The following BZW2 variants were observed in gnomAD, a reference collection of about 807,000 sequenced individuals.
BZW2 encodes the protein eIF5-mimic protein 1.
A neutral mutation model predicts 53.2 loss-of-function variants in BZW2; 23 were observed. The observed-to-expected ratio is 0.43, with a 90% CI of 0.31 to 0.61. The LOEUF is 0.61. Ranked by LOEUF, BZW2 falls within the 20% of genes least tolerant of loss-of-function variation. BZW2 has a pLI of 0.09. For synonymous variants in BZW2, 227 were observed against 186.4 expected (o/e 1.22, Z -1.77); for missense variants, 409 against 503.1 (o/e 0.81, Z 1.79).
At chr7:16,653,375 A>G (rs1454514135) in intron 1 of BZW2, among the ~76,000 whole-genome samples, 1 of 152,118 alleles carries the variant, frequency 6.6e-6, no homozygotes, top group Non-Finnish European at 1.5e-5. Context: ...TTACTTTAAT[A>G]ACTTGTCTTC....
chr7:16,703,568 TTG>T (rs1646932142), intron 10 of BZW2, among the ~76,000 whole-genome samples: 1 of 152,224 alleles, frequency 6.6e-6, no homozygotes, highest in Admixed American at 6.5e-5. Flanking sequence ...TTATCAGTAT[TTG>T]TAATGAATTG....
Position 16,698,100 on chromosome 7 carries a change from T to G in BZW2, c.1022T>G (p.Ile341Ser), listed in dbSNP as rs780551598. ...VFSSQGQSEL[I>S]LLQKVQEYCY... ...AGCTCCCAAGGCCAGTCAGAGCTGA[T>G]CCTCCTCCAGAAGGTTCAGGAATAC... The change falls in exon 10 of 12, where the codon ATC becomes AGC. Residue 341 changes from isoleucine to serine, a missense_variant. Ile to Ser is a moderately radical substitution (Grantham distance 142). This residue lies in a region of BZW2 where 88 missense variants were observed against 114.6 expected (regional missense o/e 0.77). Transcript: ENST00000258761. 1.2e-6 allele frequency: 2 copies of G among 1,614,124 alleles called. No homozygotes were observed. The highest frequency in any genetic ancestry group is 1.7e-6 in the Non-Finnish European group (2 of 1,179,976).
chr7:16,646,335 G>A (rs568586810), intron 1 of BZW2, 47 bp downstream of exon 1: 34 of 162,934 alleles, frequency 2.1e-4, no homozygotes, highest in Admixed American at 6.9e-4. Context: ...AGGGTTGCGA[G>A]AGTAGCGACT....
rs1196249517 is a variant in BZW2, at chr7:16,704,573, C to A, written c.1135C>A (p.Leu379Met). 1 of 1,573,262 alleles carries A rather than the reference C, an allele frequency of 6.4e-7. No homozygotes were observed. The highest frequency in any genetic ancestry group is 8.7e-7 in the Non-Finnish European group (1 of 1,148,840). Residue 379 changes from leucine to methionine, a missense_variant, in exon 11 of 12, where the codon CTG (leucine) becomes ATG (methionine). Leu to Met is a conservative substitution (Grantham distance 15). Transcript: ENST00000258761. ...TGATGTTCTGAGCGAAGAAGCAATACTGAAATGGTATAAGGAAGCACATGT... is the reference window on the plus strand; with the variant it reads ...TGATGTTCTGAGCGAAGAAGCAATAATGAAATGGTATAAGGAAGCACATGT... ...KADVLSEEAILKWYKEAHVAK... is the reference protein window; with the variant it reads ...KADVLSEEAIMKWYKEAHVAK...
chr7:16,659,175 C>T (rs1782191253), intron 1 of BZW2, among the ~76,000 whole-genome samples: 1 of 152,010 alleles, frequency 6.6e-6, no homozygotes, highest in Non-Finnish European at 1.5e-5. Flanking sequence ...ATGGTGGACT[C>T]TTTACTTGTG....
At chr7:16,652,224 C>T (rs1219000529) in intron 1 of BZW2, among the ~76,000 whole-genome samples, 1 of 152,166 alleles carries the variant, frequency 6.6e-6, no homozygotes, top group Non-Finnish European at 1.5e-5. Flanking sequence ...GTATTCCATT[C>T]CGCGTGGATG....
chr7:16,695,850 A>G (rs777167638), intron 8 of BZW2: 1 of 152,190 alleles, frequency 6.6e-6, no homozygotes, highest in African/African-American at 2.4e-5. Flanking sequence ...GGAATGACAA[A>G]TATTCTTAAG....
At position 16,706,378 on chromosome 7, in the gene BZW2, T is replaced by C. The variant is rs964191248; in HGVS notation, c.*290T>C. On this transcript the variant is annotated 3_prime_UTR_variant, in exon 12 of 12. Coordinates refer to ENST00000258761, the MANE Select transcript of BZW2 (RefSeq NM_014038.3). ...TGAAATTAAATACTCAACAGACTCC[T>C]CCTTTTTTAGCTGTATTTTTCAGGT... 6.2e-6 allele frequency: 2 copies of C among 321,348 alleles called. No homozygotes were observed. Among genetic ancestry groups the C allele is most frequent in the Admixed American group, 9.8e-5 (2 of 20,346 alleles). 19.9% of individuals were successfully genotyped at this position (321,348 alleles called of 1,614,324 possible). A position where few individuals can be genotyped will look rare whatever the true frequency, so the allele number is the denominator to read the frequency against.
rs753131321 is a variant in BZW2 at position 16,682,782 on chromosome 7, C to A, written c.342C>A (p.Val114=). 3 of 1,530,014 alleles carry A rather than the reference C, an allele frequency of 2.0e-6. No homozygotes were observed. The highest frequency in any genetic ancestry group is 2.6e-6 in the Non-Finnish European group (3 of 1,135,886). 94.8% of individuals were successfully genotyped at this position (1,530,014 alleles called of 1,614,324 possible). ...DHETIRNYAQ[V]FNKLIRRYKY... ...TTTAATGGTTGTTTTTTTTTTAGGT[C>A]TTCAATAAACTCATCAGGAGATATA... Residue 114 remains valine, a splice_region_variant and synonymous_variant, in exon 5 of 12, where the codon GTC becomes GTA. Transcript: ENST00000258761.
chr7:16,674,512 C>A lies in BZW2; in HGVS notation c.159C>A (p.Asp53Glu). 1 of 1,613,062 alleles carries A rather than the reference C, an allele frequency of 6.2e-7. No homozygotes were observed. The highest frequency in any genetic ancestry group is 1.1e-5 in the South Asian group (1 of 90,928). ...DDLEAVAKFL[D>E]STGSRLDYRR... Reference sequence around the variant, plus strand: ...TTGAAGCTGTAGCCAAATTTCTGGACTCTACAGGCTCAAGATTAGATTATC... The same window carrying A: ...TTGAAGCTGTAGCCAAATTTCTGGAATCTACAGGCTCAAGATTAGATTATC... Residue 53 changes from aspartate to glutamate, a missense_variant, in exon 3 of 12, where the codon GAC becomes GAA. Around this residue, in one of 3 missense-constraint regions of BZW2, gnomAD observed 316 missense variants for 366.8 expected, o/e 0.86. Coordinates refer to ENST00000258761, the MANE Select transcript of BZW2 (RefSeq NM_014038.3).
At chr7:16,689,776 T>C (rs772280528) in intron 6 of BZW2, 21 bp from the exon 7 acceptor site, 4 of 1,579,558 alleles carry the variant, frequency 2.5e-6, no homozygotes, top group Non-Finnish European at 3.5e-6. Flanking sequence ...AGGAATGAAA[T>C]TCTCTTTTGT....
chr7:16,677,450 G>A (rs113648526), intron 3 of BZW2, among the ~76,000 whole-genome samples: 3,547 of 152,168 alleles, frequency 0.023, 129 homozygotes, highest in African/African-American at 0.081. Context: ...GCCAACGACC[G>A]CTCTAACTTC....
chr7:16,648,821 C>T (rs1781925429), intron 1 of BZW2, among the ~76,000 whole-genome samples: 1 of 152,162 alleles, frequency 6.6e-6, no homozygotes. Flanking sequence ...TTCACTGAAT[C>T]TCCTCTCCAG....
intron 5 of BZW2, 41 bp from the exon 6 acceptor site, chr7:16,685,858 TTTTTTC>T (rs765904460): frequency 2.6e-5 from 38 of 1,483,316 alleles, no homozygotes; most frequent in African/African-American, 1.0e-4. Flanking sequence ...TGGTTCCTTT[TTTTTTC>T]TTTTTCTTTT....
intron 8 of BZW2, chr7:16,696,130 G>A (rs895560762): frequency 1.3e-5 from 2 of 151,742 alleles, no homozygotes; most frequent in Non-Finnish European, 2.9e-5. Context: ...CAGCAAAAAA[G>A]AAAAGGGAGG....
chr7:16,678,055 C>A (rs843882), intron 3 of BZW2, among the ~76,000 whole-genome samples: 1 of 145,422 alleles, frequency 6.9e-6, no homozygotes. Flanking sequence ...AGAAATTTTC[C>A]TGACACTCAC....
intron 1 of BZW2, among the ~76,000 whole-genome samples, chr7:16,648,823 C>A (rs1322047059): frequency 6.6e-6 from 1 of 152,144 alleles, no homozygotes; most frequent in Non-Finnish European, 1.5e-5. Flanking sequence ...CACTGAATCT[C>A]CTCTCCAGAT....
rs148811110 is a variant in BZW2 at position 16,680,719 on chromosome 7, A to G, written c.236-582A>G. Among the ~76,000 whole-genome samples the G allele has an allele frequency of 5.8e-3, 876 of 152,268 alleles. 10 individuals are homozygous for G. The highest frequency in any genetic ancestry group is 0.02 in the African/African-American group (839 of 41,530). ...CTACTTGGGAGGCTGAGGCAGGAGG[A>G]TCACTTGAGCACCCTGGAGGTTGAG... On this transcript the variant is annotated intron_variant, in intron 3 of 11. Transcript: ENST00000258761.
At chr7:16,658,436 C>T (rs1782170651) in intron 1 of BZW2, among the ~76,000 whole-genome samples, 1 of 151,894 alleles carries the variant, frequency 6.6e-6, no homozygotes, top group African/African-American at 2.4e-5. Flanking sequence ...CTTAGGTCTT[C>T]TAATTAGTTT....
Sources: allele counts gnomAD v4.1 joint callset (sites outside exome capture counted in the v4.1 genomes callset), GRCh38; gene constraint gnomAD v4.1.1; regional missense constraint gnomAD v4.1.1; transcripts MANE v1.5; gene names NCBI Gene and HGNC (gene_info 2026-07-23, HGNC 2026-07-21).